ZBTB46: variants seen among roughly 807,000 people sequenced by gnomAD.
ZBTB46 encodes the protein zinc finger and BTB domain-containing protein 46.
A neutral mutation model predicts 44.1 loss-of-function variants in ZBTB46; 8 were observed. The ratio of observed to expected loss-of-function variants is 0.18; its 90% confidence interval spans 0.11 to 0.33. The LOEUF (loss-of-function observed/expected upper bound fraction) is 0.33. ZBTB46 is among the 10% of genes least tolerant of loss of function. The pLI is 1.00. For synonymous variants in ZBTB46, 409 were observed against 382.3 expected (o/e 1.07, Z -0.81); for missense variants, 651 against 847.7 (o/e 0.77, Z 2.88).
intron 1 of ZBTB46, among the ~76,000 whole-genome samples, chr20:63,806,177 G>A (rs974206333): frequency 5.4e-5 from 8 of 149,326 alleles, no homozygotes; most frequent in Admixed American, 1.3e-4. Context: ...TGAGACGAGC[G>A]GATCACCTGA....
intron 1 of ZBTB46, among the ~76,000 whole-genome samples, chr20:63,805,794 C>T (rs905438062): frequency 4.0e-5 from 6 of 151,088 alleles, no homozygotes; most frequent in Admixed American, 6.6e-5. Flanking sequence ...CTCGCTCTGT[C>T]GCCCAGGCTG....
At chr20:63,770,124 C>T (rs950172039) in intron 3 of ZBTB46, among the ~76,000 whole-genome samples, 6 of 152,336 alleles carry the variant, frequency 3.9e-5, no homozygotes, top group East Asian at 3.9e-4. Context: ...TTTCCGGGCA[C>T]GGCTGATGCG....
rs1465573602 is a variant in ZBTB46, at chr20:63,752,468, C to T, written c.1398+218G>A. Among the ~76,000 whole-genome samples the T allele has an allele frequency of 3.3e-5, 5 of 152,066 alleles. No individual in the cohort carries two copies. Among genetic ancestry groups the T allele is most frequent in the African/African-American group, 4.8e-5 (2 of 41,418 alleles). On this transcript the variant is annotated intron_variant, in intron 4 of 4. Coordinates refer to ENST00000245663, the MANE Select transcript of ZBTB46 (RefSeq NM_001369741.1). This position sits in a 1 kb window ranked among gnomAD's most constrained non-coding sequence, Gnocchi z 5.6. ...CGGCCAGCAGGTGAGCAGGGTGGGCCGAAGCCTCTGCAGGGGCCATGTGGC... is the reference window on the plus strand; with the variant it reads ...CGGCCAGCAGGTGAGCAGGGTGGGCTGAAGCCTCTGCAGGGGCCATGTGGC...
Position 63,831,155 on chromosome 20 carries a change from T to G in ZBTB46, c.-92A>C. The G allele has an allele frequency of 7.3e-6, 1 of 136,372 alleles. No homozygotes were observed. The highest frequency in any genetic ancestry group is 7.1e-5 in the Admixed American group (1 of 14,070). 8.4% of individuals were successfully genotyped at this position (136,372 alleles called of 1,614,324 possible). A position where few individuals can be genotyped will look rare whatever the true frequency, so the allele number is the denominator to read the frequency against. On this transcript the variant is annotated 5_prime_UTR_variant, in exon 1 of 5. Transcript: ENST00000245663. ...GCCGCGGCCGCCGGGCCGGCGCCGG[T>G]GATCGCCGCCGCCGCCGGGAGGGCG...
intron 4 of ZBTB46, among the ~76,000 whole-genome samples, chr20:63,750,817 C>T (rs982913548): frequency 2.0e-5 from 3 of 151,964 alleles, no homozygotes; most frequent in Admixed American, 2.0e-4. Flanking sequence ...GTGGGAGGAT[C>T]GCTTGAGCCC....
chr20:63,812,376 G>T (rs1254052665), intron 1 of ZBTB46, among the ~76,000 whole-genome samples: 1 of 152,062 alleles, frequency 6.6e-6, no homozygotes, highest in African/African-American at 2.4e-5. Context: ...GGGCAATGTG[G>T]TGTGCACCTG....
chr20:63,771,454 C>T (rs1353520832), intron 3 of ZBTB46, among the ~76,000 whole-genome samples: 1 of 152,154 alleles, frequency 6.6e-6, no homozygotes, highest in Non-Finnish European at 1.5e-5. Flanking sequence ...TGTTGAGAGA[C>T]TTAGAAGTCC....
intron 3 of ZBTB46, among the ~76,000 whole-genome samples, chr20:63,773,230 C>CTTTT (rs745777313): frequency 0.22 from 29,162 of 133,202 alleles, 3,497 homozygotes; most frequent in Middle Eastern, 0.31. Flanking sequence ...AGTCCAATGG[C>CTTTT]TTTTTTTTTT....
intron 1 of ZBTB46, among the ~76,000 whole-genome samples, chr20:63,821,426 T>C (rs2092791642): frequency 6.7e-6 from 1 of 149,080 alleles, no homozygotes; most frequent in African/African-American, 2.5e-5. Flanking sequence ...CAGCTGGGAC[T>C]ACAAGCAGGC....
At chr20:63,801,833 G>A (rs1292942304) in intron 1 of ZBTB46, among the ~76,000 whole-genome samples, 3 of 152,058 alleles carry the variant, frequency 2.0e-5, no homozygotes, top group Admixed American at 2.0e-4. Context: ...CAATGGGGAC[G>A]GCCTGTGTCT....
At position 63,789,761 on chromosome 20, in the gene ZBTB46, C is replaced by T. The variant is rs750338578; in HGVS notation, c.937+60G>A. 19 of 1,546,350 alleles carry T rather than the reference C, an allele frequency of 1.2e-5. No individual in the cohort carries two copies. The South Asian group carries it at 1.3e-4, about 11-fold the overall frequency. ...TGCGTCACTGCCTCCGCACAGCACG[C>T]GGCCGTGAGGCCTGGACACACTGGG... On this transcript the variant is annotated intron_variant, in intron 2 of 4. Transcript: ENST00000245663.
intron 1 of ZBTB46, among the ~76,000 whole-genome samples, chr20:63,822,826 C>T (rs1016919706): frequency 3.3e-5 from 5 of 152,004 alleles, no homozygotes; most frequent in African/African-American, 1.2e-4. Flanking sequence ...CCAGCCTGGG[C>T]AACACAGCGA....
Position 63,752,986 on chromosome 20 carries a change from G to A in ZBTB46, c.1223-125C>T. ...GGCTGTCTCCCACGGCCACCCACTG[G>A]GGGCTGGTCAGCACTGCGACAGGCC... is the stretch of plus-strand genomic sequence containing the variant. On this transcript the variant is annotated intron_variant, in intron 3 of 4. Coordinates refer to ENST00000245663, the MANE Select transcript of ZBTB46 (RefSeq NM_001369741.1). The surrounding 1 kb of genome is among the most constrained non-coding windows in gnomAD (Gnocchi z 5.6). The A allele has an allele frequency of 9.3e-7, 1 of 1,080,380 alleles. No individual in the cohort carries two copies. Among genetic ancestry groups the A allele is most frequent in the Non-Finnish European group, 1.3e-6 (1 of 772,846 alleles). 66.9% of individuals were successfully genotyped at this position (1,080,380 alleles called of 1,614,324 possible).
At chr20:63,799,735 T>G (rs1260048975) in intron 1 of ZBTB46, among the ~76,000 whole-genome samples, 1 of 152,042 alleles carries the variant, frequency 6.6e-6, no homozygotes, top group Non-Finnish European at 1.5e-5. Context: ...GACAGAGGCT[T>G]CCCCAGCTGT....
chr20:63,781,426 G>C (rs537503550), intron 2 of ZBTB46, among the ~76,000 whole-genome samples: 1 of 152,138 alleles, frequency 6.6e-6, no homozygotes, highest in African/African-American at 2.4e-5. Context: ...ACGGCAAAAA[G>C]ACCTGGACAG....
At chr20:63,764,126 A>T (rs563761007) in intron 3 of ZBTB46, among the ~76,000 whole-genome samples, 1 of 151,232 alleles carries the variant, frequency 6.6e-6, no homozygotes, top group African/African-American at 2.4e-5. Context: ...GAGCCATTAC[A>T]CCCAGCTAAT....
intron 1 of ZBTB46, among the ~76,000 whole-genome samples, chr20:63,827,404 G>C (rs1020404332): frequency 6.6e-6 from 1 of 151,732 alleles, no homozygotes; most frequent in African/African-American, 2.4e-5. Context: ...TCAGGAGATC[G>C]AGACCATCCT....
chr20:63,751,930 A>T (rs900542948), intron 4 of ZBTB46, among the ~76,000 whole-genome samples: 10 of 151,634 alleles, frequency 6.6e-5, no homozygotes, highest in African/African-American at 2.2e-4. Flanking sequence ...TGCGATTCCT[A>T]AACTGGCAGC....
At chr20:63,784,586 A>G (rs2092497179) in intron 2 of ZBTB46, among the ~76,000 whole-genome samples, 1 of 152,234 alleles carries the variant, frequency 6.6e-6, no homozygotes, top group Non-Finnish European at 1.5e-5. Flanking sequence ...AGGCCTCACC[A>G]GTCACCTCTC....
Sources: allele counts gnomAD v4.1 joint callset (sites outside exome capture counted in the v4.1 genomes callset), GRCh38; gene constraint gnomAD v4.1.1; non-coding constraint Gnocchi (gnomAD v3.1); transcripts MANE v1.5; gene names NCBI Gene and HGNC (gene_info 2026-07-23, HGNC 2026-07-21).